The following CNTNAP2 variants were observed in gnomAD, a reference collection of about 807,000 sequenced individuals.
CNTNAP2 encodes the protein contactin-associated protein-like 2.
CNTNAP2 carries 98 observed loss-of-function variants against 155.2 expected under a neutral mutation model. The observed-to-expected ratio is 0.63, with a 90% CI of 0.54 to 0.75. CNTNAP2 has a LOEUF of 0.75. Ranked by LOEUF, CNTNAP2 falls within the 30% of genes least tolerant of loss-of-function variation. The pLI is 0.00. For synonymous variants in CNTNAP2, 651 were observed against 631.2 expected, an observed-to-expected ratio of 1.03 and a Z score of -0.47; for missense variants, 1,727 against 1,688.1, an observed-to-expected ratio of 1.02 and a Z score of -0.40.
chr7:146,392,575 G>A (rs545899961), intron 1 of CNTNAP2, among the ~76,000 whole-genome samples: 4 of 152,328 alleles, frequency 2.6e-5, no homozygotes, highest in Admixed American at 6.5e-5. Flanking sequence ...CGGAATTTAT[G>A]TGACACTGGA....
Position 146,904,416 on chromosome 7 carries a change from A to T in CNTNAP2, c.402+64512A>T, listed in dbSNP as rs146147142. Among the ~76,000 whole-genome samples, 254 of 152,270 alleles carry T rather than the reference A, an allele frequency of 1.7e-3. 8 individuals are homozygous for T. The highest frequency in any genetic ancestry group is 2.0e-3 in the Non-Finnish European group (133 of 68,014). On this transcript the variant is annotated intron_variant, in intron 3 of 23. Coordinates refer to ENST00000361727, the MANE Select transcript of CNTNAP2 (RefSeq NM_014141.6). ...TACTGTACCCTTAGTGTCTAGAACA[A>T]TGTCAGGTATTTATTGAGAAGACAT...
At chr7:147,559,948 C>A (rs956447097) in intron 11 of CNTNAP2, among the ~76,000 whole-genome samples, 1 of 151,022 alleles carries the variant, frequency 6.6e-6, no homozygotes, top group Non-Finnish European at 1.5e-5. Flanking sequence ...AGGCGCAGAT[C>A]ACCTGAGGTC....
chr7:147,310,874 G>A (rs1795111384), intron 9 of CNTNAP2, among the ~76,000 whole-genome samples: 1 of 152,152 alleles, frequency 6.6e-6, no homozygotes, highest in African/African-American at 2.4e-5. Flanking sequence ...GGAAGGACAA[G>A]CGGGAATTTA....
At chr7:146,251,512 TTTTATTTTGAAGACTGATATTC>T (rs1799756415) in intron 1 of CNTNAP2, among the ~76,000 whole-genome samples, 1 of 152,204 alleles carries the variant, frequency 6.6e-6, no homozygotes, top group Non-Finnish European at 1.5e-5. Context: ...AAGTTAAGAA[TTTTATTTTGAAGACTGATATTC>T]TAAGTTGCAT....
intron 1 of CNTNAP2, among the ~76,000 whole-genome samples, chr7:146,599,961 G>A (rs1798925404): frequency 2.0e-5 from 3 of 151,934 alleles, no homozygotes; most frequent in Admixed American, 1.3e-4. Context: ...GTTAATTTCC[G>A]TTATGCTTTC....
intron 1 of CNTNAP2, among the ~76,000 whole-genome samples, chr7:146,171,803 A>G (rs115511833): frequency 0.015 from 2,325 of 152,226 alleles, 52 homozygotes; most frequent in African/African-American, 0.052. Flanking sequence ...TATATTTTTG[A>G]ATGATGTGTT....
At chr7:146,971,048 C>CCG (rs1797784196) in intron 3 of CNTNAP2, among the ~76,000 whole-genome samples, 2 of 152,044 alleles carry the variant, frequency 1.3e-5, no homozygotes, top group African/African-American at 4.8e-5. Context: ...ACATCACACT[C>CCG]TGCAGACTGT....
intron 13 of CNTNAP2, among the ~76,000 whole-genome samples, chr7:147,885,142 G>C (rs958264323): frequency 3.3e-5 from 5 of 152,168 alleles, no homozygotes; most frequent in Non-Finnish European, 1.5e-5. Context: ...GACCTAATAG[G>C]GTTAAAGGTC....
chr7:148,357,629 A>G (rs79120959), intron 21 of CNTNAP2, among the ~76,000 whole-genome samples: 2,963 of 152,090 alleles, frequency 0.019, 92 homozygotes, highest in African/African-American at 0.068. Context: ...AGCCTTCTGT[A>G]TTTTGCCTCG....
intron 8 of CNTNAP2, among the ~76,000 whole-genome samples, chr7:147,196,868 T>G (rs757128454): frequency 3.9e-5 from 6 of 152,184 alleles, no homozygotes; most frequent in Middle Eastern, 3.4e-3. Context: ...TAAAACACAG[T>G]GTGATCCTCA....
At chr7:146,784,619 C>T (rs978775609) in intron 2 of CNTNAP2, among the ~76,000 whole-genome samples, 1 of 152,174 alleles carries the variant, frequency 6.6e-6, no homozygotes, top group South Asian at 2.1e-4. Flanking sequence ...ACATCTTGGG[C>T]CACTTCCTAC....
intron 1 of CNTNAP2, among the ~76,000 whole-genome samples, chr7:146,285,976 CTCTGTG>C (rs1563021922): frequency 9.9e-5 from 5 of 50,274 alleles, no homozygotes; most frequent in African/African-American, 5.2e-4. Context: ...TTCCTTCCTT[CTCTGTG>C]TGTGTGTGTG....
chr7:147,117,936 A>T (rs1383002192), intron 5 of CNTNAP2, among the ~76,000 whole-genome samples: 1 of 152,158 alleles, frequency 6.6e-6, no homozygotes, highest in Non-Finnish European at 1.5e-5. Context: ...TTTACATTAA[A>T]ATAAAAGTAA....
At chr7:146,963,756 T>A (rs1234354785) in intron 3 of CNTNAP2, among the ~76,000 whole-genome samples, 2 of 152,212 alleles carry the variant, frequency 1.3e-5, no homozygotes, top group Non-Finnish European at 2.9e-5. Flanking sequence ...TGTTTCATAT[T>A]GTCCCTTGTT....
At chr7:147,916,587 T>C (rs906706234) in intron 14 of CNTNAP2, among the ~76,000 whole-genome samples, 2 of 71,476 alleles carry the variant, frequency 2.8e-5, no homozygotes, top group African/African-American at 1.5e-4. Context: ...AGAGCTTTTT[T>C]TCTGAAAAAA....
At chr7:148,258,033 T>A (rs1796486568) in intron 20 of CNTNAP2, among the ~76,000 whole-genome samples, 1 of 152,164 alleles carries the variant, frequency 6.6e-6, no homozygotes, top group Non-Finnish European at 1.5e-5. Flanking sequence ...ACCTTGCATA[T>A]CACAGGCCCT....
chr7:147,595,876 C>T (rs1800817916), intron 12 of CNTNAP2, among the ~76,000 whole-genome samples: 1 of 152,266 alleles, frequency 6.6e-6, no homozygotes, highest in Non-Finnish European at 1.5e-5. Context: ...CCTTTGAAGA[C>T]TCTCCGTGAC....
At chr7:147,011,350 C>A (rs1011569184) in intron 3 of CNTNAP2, among the ~76,000 whole-genome samples, 1 of 125,006 alleles carries the variant, frequency 8.0e-6, no homozygotes, top group African/African-American at 3.1e-5. Flanking sequence ...GGAGGCGAGG[C>A]GGGGGTTGCA....
At chr7:146,935,538 T>C (rs544439376) in intron 3 of CNTNAP2, among the ~76,000 whole-genome samples, 3 of 152,316 alleles carry the variant, frequency 2.0e-5, no homozygotes, top group Admixed American at 2.0e-4. Flanking sequence ...TGTTAGGTAC[T>C]TTTTCCATGG....
Sources: gnomAD v4.1 joint callset for allele counts (sites outside exome capture counted in the v4.1 genomes callset) on GRCh38, gnomAD v4.1.1 for gene constraint, MANE v1.5 for transcripts, NCBI Gene and HGNC (gene_info 2026-07-23, HGNC 2026-07-21) for gene names.